The following RMST variants were observed in gnomAD, a reference collection of about 807,000 sequenced individuals.
RMST encodes the protein long intergenic non-protein coding RNA 54.
intron 10 of RMST, among the ~76,000 whole-genome samples, chr12:97,509,408 TC>T (rs1879050732): frequency 6.6e-6 from 1 of 152,226 alleles, no homozygotes; most frequent in Non-Finnish European, 1.5e-5. Context: ...CAGGCCAGGT[TC>T]TGCCCTCAGC....
At chr12:97,466,069 C>T (rs1430923502) in intron 5 of RMST, among the ~76,000 whole-genome samples, 2 of 151,914 alleles carry the variant, frequency 1.3e-5, no homozygotes, top group Non-Finnish European at 2.9e-5. Flanking sequence ...AATTAAGAAC[C>T]AGGGTTAGGT....
chr12:97,542,918 A>C (rs1222279243), intron 11 of RMST, among the ~76,000 whole-genome samples: 1 of 151,968 alleles, frequency 6.6e-6, no homozygotes, highest in Non-Finnish European at 1.5e-5. Context: ...ACTGTGGCTG[A>C]GAAGTTAATG....
intron 10 of RMST, among the ~76,000 whole-genome samples, chr12:97,522,682 G>T (rs1880636308): frequency 6.6e-6 from 1 of 151,526 alleles, no homozygotes; most frequent in Non-Finnish European, 1.5e-5. Context: ...GTAATAAAAA[G>T]ATTAGAAATA....
At chr12:97,475,461 G>T (rs2136401631) in intron 5 of RMST, among the ~76,000 whole-genome samples, 1 of 152,158 alleles carries the variant, frequency 6.6e-6, no homozygotes, top group African/African-American at 2.4e-5. Flanking sequence ...AACCAAATTA[G>T]ATTAAAATTC....
intron 5 of RMST, among the ~76,000 whole-genome samples, chr12:97,487,842 G>T (rs1271345679): frequency 6.6e-6 from 1 of 152,202 alleles, no homozygotes; most frequent in Admixed American, 6.5e-5. Flanking sequence ...CACGGTTGAG[G>T]TTGCTGACGT....
intron 11 of RMST, among the ~76,000 whole-genome samples, chr12:97,542,641 G>A (rs1882635483): frequency 6.6e-6 from 1 of 151,886 alleles, no homozygotes. Context: ...TTCCTATTCA[G>A]TGTGGTTGAA....
intron 5 of RMST, among the ~76,000 whole-genome samples, chr12:97,485,322 TTA>T (rs1238808306): frequency 1.3e-5 from 2 of 152,196 alleles, no homozygotes; most frequent in African/African-American, 4.8e-5. Context: ...AAGTATTAAT[TTA>T]TGTCTACTCT....
exon 11 of RMST, chr12:97,530,668 G>T (rs190695404): frequency 1.3e-5 from 2 of 151,980 alleles, no homozygotes; most frequent in Non-Finnish European, 2.9e-5. Context: ...GTGACTGATC[G>T]TACCCGCCAG....
chr12:97,533,449 A>G (rs1592756124), intron 11 of RMST: 1 of 151,992 alleles, frequency 6.6e-6, no homozygotes. Context: ...TTCATTCTCC[A>G]TGATCTCTGG....
At chr12:97,536,012 A>G (rs1882048363) in intron 11 of RMST, among the ~76,000 whole-genome samples, 1 of 151,612 alleles carries the variant, frequency 6.6e-6, no homozygotes, top group African/African-American at 2.4e-5. Flanking sequence ...TAAAATTCAT[A>G]AATAATTATG....
At chr12:97,535,424 G>A (rs918219323) in intron 11 of RMST, among the ~76,000 whole-genome samples, 1 of 151,660 alleles carries the variant, frequency 6.6e-6, no homozygotes, top group Non-Finnish European at 1.5e-5. Flanking sequence ...CATTTCTGGA[G>A]CCATCATTGA....
At chr12:97,511,767 G>A (rs1047418297) in intron 10 of RMST, among the ~76,000 whole-genome samples, 1 of 152,168 alleles carries the variant, frequency 6.6e-6, no homozygotes, top group Non-Finnish European at 1.5e-5. Context: ...TTACTTTGTA[G>A]TTGAAACTAG....
chr12:97,502,264 A>G (rs1878161383), intron 10 of RMST, among the ~76,000 whole-genome samples: 1 of 152,100 alleles, frequency 6.6e-6, no homozygotes, highest in African/African-American at 2.4e-5. Context: ...CTTGGTGTAA[A>G]ATCTATTATT....
intron 7 of RMST, among the ~76,000 whole-genome samples, chr12:97,493,697 C>G (rs1609685): frequency 0.077 from 11,684 of 152,116 alleles, 669 homozygotes; most frequent in Middle Eastern, 0.13. Context: ...CACAATCACA[C>G]TTACAAATAT....
At chr12:97,543,305 G>C (rs182480246) in intron 11 of RMST, among the ~76,000 whole-genome samples, 2 of 151,996 alleles carry the variant, frequency 1.3e-5, no homozygotes, top group African/African-American at 4.8e-5. Context: ...CAGAGTAAAG[G>C]CCATTCTGCA....
chr12:97,558,409 C>A (rs1883864063), intron 11 of RMST, among the ~76,000 whole-genome samples: 1 of 152,160 alleles, frequency 6.6e-6, no homozygotes, highest in African/African-American at 2.4e-5. Flanking sequence ...TTCAAATCTG[C>A]CTTCTATCTT....
At chr12:97,469,003 A>C (rs1216468332) in intron 5 of RMST, among the ~76,000 whole-genome samples, 6 of 151,858 alleles carry the variant, frequency 4.0e-5, no homozygotes, top group Admixed American at 4.0e-4. Flanking sequence ...ATCATCATGA[A>C]TCACACATCG....
chr12:97,551,558 G>C (rs879412467), intron 11 of RMST, among the ~76,000 whole-genome samples: 1 of 152,148 alleles, frequency 6.6e-6, no homozygotes, highest in Non-Finnish European at 1.5e-5. Flanking sequence ...AGTGTATTCT[G>C]TTTGGCTTTC....
Position 97,476,204 on chromosome 12 carries a change from CT to C in RMST, n.644+10478del, listed in dbSNP as rs537637824. Among the ~76,000 whole-genome samples, 129 of 151,988 alleles carry C rather than the reference CT, an allele frequency of 8.5e-4. 2 individuals are homozygous for C. Among genetic ancestry groups the C allele is most frequent in the African/African-American group, 3.1e-3 (128 of 41,464 alleles). The stretch of plus-strand genomic sequence containing the variant: ...CATTCTCAGGGAGTCATTTTATAGC[CT>C]AAAAGAATTTTATATTTGTGATTAT... On this transcript the variant is annotated intron_variant and non_coding_transcript_variant, in intron 5 of 13. Transcript: ENST00000640149.
Sources: allele counts gnomAD v4.1 joint callset (sites outside exome capture counted in the v4.1 genomes callset), GRCh38; gene constraint gnomAD v4.1.1; transcripts MANE v1.5; gene names NCBI Gene and HGNC (gene_info 2026-07-23, HGNC 2026-07-21).